CCSER1: variants seen among roughly 807,000 people sequenced by gnomAD.
The protein encoded by CCSER1 is serine-rich coiled-coil domain-containing protein 1.
Under a neutral mutation model 82.0 loss-of-function variants are expected in CCSER1, and 41 were observed. That is an observed-to-expected ratio of 0.50 (90% CI 0.39 to 0.65). The LOEUF is 0.65. Among genes scored for constraint, CCSER1 ranks in the 30% least tolerant of loss-of-function variants. The pLI, the probability that CCSER1 is intolerant of heterozygous loss-of-function variation, is 0.00. For synonymous variants in CCSER1, 414 were observed against 383.9 expected (o/e 1.08, Z -0.92); for missense variants, 1,119 against 1,064.2 (o/e 1.05, Z -0.72).
chr4:90,334,468 A>G (rs1739990984), intron 3 of CCSER1, among the ~76,000 whole-genome samples: 1 of 152,100 alleles, frequency 6.6e-6, no homozygotes. Flanking sequence ...GTTCTTTATT[A>G]TTGTGACTAC....
intron 10 of CCSER1, among the ~76,000 whole-genome samples, chr4:91,561,577 G>A (rs776639030): frequency 2.2e-4 from 34 of 151,302 alleles, no homozygotes; most frequent in Non-Finnish European, 3.8e-4. Flanking sequence ...ATGTATTTAC[G>A]GGTGATTTTC....
At chr4:90,605,107 A>G (rs1352594224) in intron 5 of CCSER1, among the ~76,000 whole-genome samples, 1 of 152,162 alleles carries the variant, frequency 6.6e-6, no homozygotes, top group African/African-American at 2.4e-5. Flanking sequence ...GTTCACCATG[A>G]TGGTCTGCAG....
chr4:91,547,854 TC>T (rs1761967355), intron 10 of CCSER1, among the ~76,000 whole-genome samples: 1 of 151,894 alleles, frequency 6.6e-6, no homozygotes. Context: ...TGATCTCGGC[TC>T]ACTGCAACCT....
intron 1 of CCSER1, among the ~76,000 whole-genome samples, chr4:90,170,619 C>A (rs10026036): frequency 0.67 from 101,630 of 151,602 alleles, 34,950 homozygotes; most frequent in East Asian, 0.85. Flanking sequence ...AGAACATATG[C>A]AATTTATCTT....
intron 7 of CCSER1, among the ~76,000 whole-genome samples, chr4:90,808,965 A>C (rs1044374016): frequency 2.0e-5 from 3 of 152,216 alleles, no homozygotes; most frequent in Non-Finnish European, 4.4e-5. Context: ...CACAATTCAC[A>C]ATTACAAAGA....
intron 9 of CCSER1, among the ~76,000 whole-genome samples, chr4:91,030,711 T>C (rs1740903031): frequency 6.6e-6 from 1 of 151,644 alleles, no homozygotes; most frequent in African/African-American, 2.4e-5. Flanking sequence ...AAAATGTATA[T>C]AGAAACCTCA....
At chr4:91,572,202 G>C (rs989705812) in intron 10 of CCSER1, among the ~76,000 whole-genome samples, 2 of 152,100 alleles carry the variant, frequency 1.3e-5, no homozygotes, top group African/African-American at 2.4e-5. Flanking sequence ...ACTTGGGCCA[G>C]CTCCAGTCTC....
At chr4:90,287,907 A>G (rs1007440853) in intron 1 of CCSER1, among the ~76,000 whole-genome samples, 7 of 151,826 alleles carry the variant, frequency 4.6e-5, no homozygotes, top group Admixed American at 3.3e-4. Flanking sequence ...TCCCAGTTAA[A>G]ACAAATAGCA....
intron 9 of CCSER1, among the ~76,000 whole-genome samples, chr4:90,970,848 G>A (rs1415693704): frequency 6.6e-6 from 1 of 151,394 alleles, no homozygotes; most frequent in Non-Finnish European, 1.5e-5. Flanking sequence ...GAATCTAAAG[G>A]GAAATAACTT....
intron 9 of CCSER1, among the ~76,000 whole-genome samples, chr4:90,963,012 G>A (rs973000767): frequency 1.4e-4 from 21 of 151,938 alleles, no homozygotes; most frequent in Admixed American, 3.9e-4. Flanking sequence ...TTTTAAATCC[G>A]AATACCATTA....
At chr4:90,141,868 C>T (rs1219714562) in intron 1 of CCSER1, among the ~76,000 whole-genome samples, 1 of 152,152 alleles carries the variant, frequency 6.6e-6, no homozygotes, top group Non-Finnish European at 1.5e-5. Context: ...CACTGCAGGT[C>T]AACTTAATTT....
At chr4:91,533,161 T>A (rs1761121166) in intron 10 of CCSER1, among the ~76,000 whole-genome samples, 1 of 152,196 alleles carries the variant, frequency 6.6e-6, no homozygotes, top group South Asian at 2.1e-4. Flanking sequence ...GAAACCTGAA[T>A]AATTCTACCT....
chr4:90,504,153 C>G (rs1207796145), intron 5 of CCSER1, among the ~76,000 whole-genome samples: 2 of 151,800 alleles, frequency 1.3e-5, no homozygotes, highest in African/African-American at 4.8e-5. Flanking sequence ...AATTTTTTTT[C>G]AATAAGATCA....
intron 10 of CCSER1, among the ~76,000 whole-genome samples, chr4:91,152,232 C>T (rs1453499261): frequency 6.6e-6 from 1 of 152,140 alleles, no homozygotes; most frequent in African/African-American, 2.4e-5. Context: ...TATGTAATAG[C>T]CTCCCTTGTC....
intron 9 of CCSER1, among the ~76,000 whole-genome samples, chr4:91,074,427 G>A (rs946143585): frequency 2.0e-5 from 3 of 152,196 alleles, no homozygotes; most frequent in African/African-American, 7.2e-5. Flanking sequence ...TAACGATGGA[G>A]TAGGCACTGT....
intron 10 of CCSER1, among the ~76,000 whole-genome samples, chr4:91,216,756 T>C (rs1737277161): frequency 6.6e-6 from 1 of 152,232 alleles, no homozygotes; most frequent in Non-Finnish European, 1.5e-5. Context: ...CGTAACTAAA[T>C]CTTTACATGT....
At chr4:91,107,177 T>C (rs1375391859) in intron 10 of CCSER1, among the ~76,000 whole-genome samples, 1 of 152,178 alleles carries the variant, frequency 6.6e-6, no homozygotes, top group Non-Finnish European at 1.5e-5. Flanking sequence ...ATAGCCTAGG[T>C]GTATAGTAGC....
intron 10 of CCSER1, among the ~76,000 whole-genome samples, chr4:91,540,371 T>C (rs1761524042): frequency 6.6e-6 from 1 of 152,178 alleles, no homozygotes; most frequent in South Asian, 2.1e-4. Flanking sequence ...ATTAAAATCT[T>C]CTGTGCTTTG....
chr4:91,249,113 A>T (rs1345181737), intron 10 of CCSER1, among the ~76,000 whole-genome samples: 2 of 152,198 alleles, frequency 1.3e-5, no homozygotes, highest in Non-Finnish European at 2.9e-5. Flanking sequence ...TATTGCTAAA[A>T]TTTTTCTGTG....
Sources: allele counts gnomAD v4.1 joint callset (sites outside exome capture counted in the v4.1 genomes callset), GRCh38; gene constraint gnomAD v4.1.1; transcripts MANE v1.5; gene names NCBI Gene and HGNC (gene_info 2026-07-23, HGNC 2026-07-21).